PPFIBP1: variants seen among roughly 807,000 people sequenced by gnomAD.
The protein encoded by PPFIBP1 is PPFIB scaffold protein 1.
In PPFIBP1, 112 loss-of-function variants were observed where a neutral mutation model predicts 137.8. That is an observed-to-expected ratio of 0.81 (90% CI 0.70 to 0.95). The LOEUF is 0.95. PPFIBP1 is among the 40% of genes least tolerant of loss of function. The pLI, the probability that PPFIBP1 is intolerant of heterozygous loss-of-function variation, is 0.00. For synonymous variants in PPFIBP1, 378 were observed against 417.3 expected, an observed-to-expected ratio of 0.91 and a Z score of 1.15; for missense variants, 1,083 against 1,196.6, an observed-to-expected ratio of 0.91 and a Z score of 1.40.
chr12:27,658,066 G>A (rs2059323634), intron 9 of PPFIBP1, among the ~76,000 whole-genome samples: 1 of 151,080 alleles, frequency 6.6e-6, no homozygotes, highest in African/African-American at 2.4e-5. Flanking sequence ...AGGCCCAGGA[G>A]TTCGAGGCTG....
At chr12:27,649,084 T>TA (rs2058717859) in intron 6 of PPFIBP1, among the ~76,000 whole-genome samples, 1 of 152,218 alleles carries the variant, frequency 6.6e-6, no homozygotes, top group Non-Finnish European at 1.5e-5. Flanking sequence ...TGCATGCCTG[T>TA]ATCAAAACAT....
chr12:27,655,225 A>C (rs1296519916), intron 8 of PPFIBP1: 1 of 1,528,516 alleles, frequency 6.5e-7, no homozygotes, highest in African/African-American at 1.4e-5. Flanking sequence ...CAAAAATGGG[A>C]GTCACTGAAG....
intron 1 of PPFIBP1, among the ~76,000 whole-genome samples, chr12:27,546,379 A>C (rs1323064587): frequency 6.6e-6 from 1 of 152,218 alleles, no homozygotes; most frequent in African/African-American, 2.4e-5. Flanking sequence ...AAAAAATTAA[A>C]TAATAGTGTG....
intron 24 of PPFIBP1, among the ~76,000 whole-genome samples, chr12:27,686,328 T>G (rs549949080): frequency 6.6e-6 from 1 of 152,334 alleles, no homozygotes; most frequent in Admixed American, 6.5e-5. Flanking sequence ...TTGTTTATTT[T>G]CTGGGTGTGT....
intron 1 of PPFIBP1, among the ~76,000 whole-genome samples, chr12:27,571,133 G>T (rs1233677615): frequency 6.6e-6 from 1 of 151,916 alleles, no homozygotes; most frequent in Non-Finnish European, 1.5e-5. Flanking sequence ...TATTATGAGG[G>T]TCCTTCTGTG....
chr12:27,607,870 G>A (rs886757971), intron 2 of PPFIBP1, among the ~76,000 whole-genome samples: 1 of 152,134 alleles, frequency 6.6e-6, no homozygotes, highest in Non-Finnish European at 1.5e-5. Context: ...CTCTGGGGGT[G>A]GGGACAGGAA....
At chr12:27,532,459 A>ATTT (rs56200812) in intron 1 of PPFIBP1, among the ~76,000 whole-genome samples, 32 of 144,434 alleles carry the variant, frequency 2.2e-4, no homozygotes, top group African/African-American at 8.1e-4. Context: ...GGAACTTTGT[A>ATTT]TTTTTTTTTT....
intron 1 of PPFIBP1, among the ~76,000 whole-genome samples, chr12:27,541,624 A>G (rs905244716): frequency 2.0e-5 from 3 of 152,228 alleles, no homozygotes; most frequent in African/African-American, 7.2e-5. Flanking sequence ...AGGAGCCCAC[A>G]GCCCTATTGC....
chr12:27,579,972 C>T (rs1457341355), intron 2 of PPFIBP1, among the ~76,000 whole-genome samples: 1 of 152,110 alleles, frequency 6.6e-6, no homozygotes, highest in African/African-American at 2.4e-5. Context: ...GTTTTGATTG[C>T]ATGGTACAGG....
At position 27,670,790 on chromosome 12, in the gene PPFIBP1, A is replaced by AT. The variant is rs60217929; in HGVS notation, c.1147-641_1147-640insT. ...TGAGACCCTGTCTCAAAAAAAAAAA[A>AT]AAAAAATAATAATAATAATAATAAT... On this transcript the variant is annotated intron_variant, in intron 13 of 29. Coordinates refer to ENST00000228425, the MANE Select transcript of PPFIBP1 (RefSeq NM_003622.4). 7.3e-3 allele frequency among the ~76,000 whole-genome samples: 975 copies of AT among 133,082 alleles called. 3 individuals are homozygous for AT. Among genetic ancestry groups the AT allele is most frequent in the African/African-American group, 8.7e-3 (318 of 36,406 alleles). The allele number at this position is 133,082 out of a possible 152,430, so 87.3% of individuals were successfully genotyped here.
intron 2 of PPFIBP1, among the ~76,000 whole-genome samples, chr12:27,618,970 C>T (rs1353890172): frequency 6.6e-6 from 1 of 152,126 alleles, no homozygotes; most frequent in African/African-American, 2.4e-5. Context: ...CCAAGTATAA[C>T]ATCTATTAGA....
chr12:27,612,926 ACATCATCATCATCATCATCAT>A (rs71039826), intron 2 of PPFIBP1, among the ~76,000 whole-genome samples: 31 of 148,902 alleles, frequency 2.1e-4, no homozygotes, highest in South Asian at 1.3e-3. Flanking sequence ...TAGATAATAC[ACATCATCATCATCATCATCAT>A]CATCATCATC....
intron 10 of PPFIBP1, 59 bp from the exon 11 acceptor site, chr12:27,660,825 C>T: frequency 6.3e-7 from 1 of 1,575,356 alleles, no homozygotes; most frequent in Non-Finnish European, 8.6e-7. Flanking sequence ...GAGTAAATAA[C>T]TTCTTATCAC....
intron 2 of PPFIBP1, among the ~76,000 whole-genome samples, chr12:27,607,047 G>T (rs2054594795): frequency 6.6e-6 from 1 of 152,222 alleles, no homozygotes; most frequent in Non-Finnish European, 1.5e-5. Context: ...CTCTCAGCAT[G>T]CATTCCATGT....
intron 1 of PPFIBP1, among the ~76,000 whole-genome samples, chr12:27,541,238 C>CGTGTGT (rs1437528574): frequency 6.7e-6 from 1 of 149,938 alleles, no homozygotes; most frequent in South Asian, 2.1e-4. Context: ...AAAACTTGCA[C>CGTGTGT]GTGTGTGTGT....
chr12:27,691,574 T>G (rs1593428448), intron 27 of PPFIBP1, among the ~76,000 whole-genome samples, 175 bp from the exon 28 acceptor site: 4 of 152,360 alleles, frequency 2.6e-5, no homozygotes, highest in Middle Eastern at 6.8e-3. Context: ...GATGCCCTTT[T>G]GTTTTTATCC....
chr12:27,561,085 A>T (rs1232883771), intron 1 of PPFIBP1, among the ~76,000 whole-genome samples: 1 of 152,218 alleles, frequency 6.6e-6, no homozygotes, highest in East Asian at 1.9e-4. Context: ...AGCCAGAGAC[A>T]TGTATACCTA....
chr12:27,592,623 C>G, intron 2 of PPFIBP1: 1 of 1,595,854 alleles, frequency 6.3e-7, no homozygotes, highest in East Asian at 2.2e-5. Context: ...AGCTGAAGGC[C>G]CACCCAAAGT....
At chr12:27,594,056 A>C (rs1288836333) in intron 2 of PPFIBP1, 1 of 1,303,966 alleles carries the variant, frequency 7.7e-7, no homozygotes, top group African/African-American at 1.5e-5. Flanking sequence ...CAAAGGCACA[A>C]ATCTCTCTCA....
Sources: gnomAD v4.1 joint callset for allele counts (sites outside exome capture counted in the v4.1 genomes callset) on GRCh38, gnomAD v4.1.1 for gene constraint, MANE v1.5 for transcripts, NCBI Gene and HGNC (gene_info 2026-07-23, HGNC 2026-07-21) for gene names.